DPY19L3: variants seen among roughly 807,000 people sequenced by gnomAD.
The protein encoded by DPY19L3 is dpy-19 like C-mannosyltransferase 3, also known as protein C-mannosyl-transferase DPY19L3.
A neutral mutation model predicts 92.3 loss-of-function variants in DPY19L3; 51 were observed. That is an observed-to-expected ratio of 0.55 (90% confidence interval 0.44 to 0.70). The LOEUF is 0.70. DPY19L3 is among the 30% of genes least tolerant of loss of function. DPY19L3 has a pLI of 0.00. For synonymous variants in DPY19L3, 309 were observed against 315.2 expected (o/e 0.98, Z 0.21); for missense variants, 706 against 855.9 (o/e 0.82, Z 2.18).
Position 32,411,142 on chromosome 19 carries a change from G to A in DPY19L3, c.104-97G>A, listed in dbSNP as rs996734140. 4 of 1,288,586 alleles carry A rather than the reference G, an allele frequency of 3.1e-6. No individual in the cohort carries two copies. The African/African-American group carries it at 4.5e-5, about 14-fold the overall frequency. 79.8% of individuals were successfully genotyped at this position (1,288,586 alleles called of 1,614,324 possible). ...ACAGGAAAAGCTTTCCCAGTGACAG[G>A]CAGCTAGACTTAGCTTACTTGATAA... On this transcript the variant is annotated intron_variant, in intron 2 of 18. Coordinates refer to ENST00000392250, the MANE Select transcript of DPY19L3 (RefSeq NM_001172774.2).
rs531664922 is a variant in DPY19L3 at position 32,460,581 on chromosome 19, T to A, written c.1322+2072T>A. Reference sequence around the variant, plus strand: ...GTAGACTTTATAAACACTGTGCACTTAGGCTACAGTAAATCTATTTAAAAA... The same window carrying A: ...GTAGACTTTATAAACACTGTGCACTAAGGCTACAGTAAATCTATTTAAAAA... On this transcript the variant is annotated intron_variant, in intron 12 of 18. Transcript: ENST00000392250. Among the ~76,000 whole-genome samples the A allele has an allele frequency of 2.6e-5, 4 of 152,288 alleles. No homozygotes were observed. In the South Asian group the frequency reaches 8.3e-4, roughly 32 times the overall value.
At chr19:32,437,525 A>G (rs1969182919) in intron 6 of DPY19L3, among the ~76,000 whole-genome samples, 186 bp downstream of exon 6, 1 of 152,180 alleles carries the variant, frequency 6.6e-6, no homozygotes, top group Non-Finnish European at 1.5e-5. Flanking sequence ...CTTACATGTA[A>G]TTCCAGCTGA....
At chr19:32,445,092 A>G (rs1969446169) in intron 8 of DPY19L3, among the ~76,000 whole-genome samples, 1 of 150,902 alleles carries the variant, frequency 6.6e-6, no homozygotes, top group South Asian at 2.1e-4. Context: ...AAAAAAAAAA[A>G]CAAAAAACAA....
At chr19:32,427,541 A>C (rs752277988) in intron 3 of DPY19L3, among the ~76,000 whole-genome samples, 2 of 152,136 alleles carry the variant, frequency 1.3e-5, no homozygotes, top group Non-Finnish European at 2.9e-5. Flanking sequence ...AAGCAAGGAG[A>C]CTTTAGAATA....
At chr19:32,425,584 G>A (rs1278736773) in intron 3 of DPY19L3, among the ~76,000 whole-genome samples, 1 of 151,692 alleles carries the variant, frequency 6.6e-6, no homozygotes, top group Non-Finnish European at 1.5e-5. Context: ...AGACTCAAAA[G>A]TCAAAATTAT....
rs182677269 is a variant in DPY19L3 at position 32,443,927 on chromosome 19, G to A, written c.855+4017G>A. On this transcript the variant is annotated intron_variant, in intron 8 of 18. Coordinates refer to ENST00000392250, the MANE Select transcript of DPY19L3 (RefSeq NM_001172774.2). The stretch of plus-strand genomic sequence containing the variant: ...AAAAATTAACTGGCTGTGGTGGCAT[G>A]TGCCTGTAATCACAGCTATTCAGGA... Among the ~76,000 whole-genome samples the A allele has an allele frequency of 2.2e-3, 340 of 151,860 alleles. 1 individual carries two copies. Among genetic ancestry groups the A allele is most frequent in the African/African-American group, 7.7e-3 (317 of 41,414 alleles).
intron 3 of DPY19L3, chr19:32,412,317 AAAG>A (rs1447892111): frequency 1.3e-5 from 2 of 152,068 alleles, no homozygotes; most frequent in Non-Finnish European, 2.9e-5. Context: ...AATCAAAAAG[AAAG>A]AATACTATCA....
At chr19:32,463,795 C>T in intron 13 of DPY19L3, 74 bp from the exon 14 acceptor site, 1 of 1,300,290 alleles carries the variant, frequency 7.7e-7, no homozygotes, top group Non-Finnish European at 1.1e-6. Context: ...GTAAAGCTGC[C>T]TTTATAGGTG....
Position 32,463,489 on chromosome 19 carries a change from G to C in DPY19L3, c.1445+1G>C. 6.2e-7 allele frequency: 1 copy of C among 1,611,142 alleles called. No individual in the cohort carries two copies. Among genetic ancestry groups the C allele is most frequent in the Non-Finnish European group, 8.5e-7 (1 of 1,178,560 alleles). On this transcript the variant is annotated splice_donor_variant, in intron 13 of 18. Transcript: ENST00000392250. LOFTEE classifies it high-confidence loss of function. ...GATTCTTGGCATTGAGTACAATGAG[G>C]TATTTTTGTCTTACCTGTTTGTTTA...
At chr19:32,461,740 G>T (rs1041649644) in intron 12 of DPY19L3, among the ~76,000 whole-genome samples, 8 of 152,156 alleles carry the variant, frequency 5.3e-5, no homozygotes, top group Admixed American at 4.6e-4. Flanking sequence ...GTTCTATTGG[G>T]TATGTATGAA....
At chr19:32,479,580 A>G (rs1173106613) in intron 17 of DPY19L3, 4 of 432,666 alleles carry the variant, frequency 9.2e-6, no homozygotes, top group South Asian at 3.3e-5. Context: ...GGACACATCA[A>G]GTTAGACCCT....
Position 32,453,172 on chromosome 19 carries a change from A to G in DPY19L3, c.883A>G (p.Thr295Ala). The G allele has an allele frequency of 6.2e-7, 1 of 1,614,170 alleles. No homozygotes were observed. ...GACATGGCTGTATGGAATACAGATA[A>G]CAAGTTTACTCCTGGTCTGCATTCT... The part of the protein sequence containing the change: ...KATWLYGIQI[T>A]SLLLVCILQF... The change falls in exon 9 of 19, where the codon ACA (threonine) becomes GCA (alanine). Residue 295 changes from threonine (T) to alanine (A), a missense_variant. Physicochemically the swap from Thr to Ala is moderately conservative, Grantham distance 58. Transcript: ENST00000392250.
At chr19:32,469,917 G>A (rs918705259) in intron 16 of DPY19L3, among the ~76,000 whole-genome samples, 1 of 152,202 alleles carries the variant, frequency 6.6e-6, no homozygotes, top group Non-Finnish European at 1.5e-5. Flanking sequence ...GTAAATAGAG[G>A]CTGTGCATCA....
rs73569254 is a variant in DPY19L3, at chr19:32,484,634, G to A, written c.*2394G>A. 0.039 allele frequency: 5,908 copies of A among 152,194 alleles called. 359 individuals carry two copies. The highest frequency in any genetic ancestry group is 0.14 in the African/African-American group (5,642 of 41,484). 9.4% of individuals were successfully genotyped at this position (152,194 alleles called of 1,614,324 possible). ...AGGCCCCGGAGTCTCCATCTCTCTCGTAAGCCACCTGCCACAGCACAGCTG... is the reference window on the plus strand; with the variant it reads ...AGGCCCCGGAGTCTCCATCTCTCTCATAAGCCACCTGCCACAGCACAGCTG... On this transcript the variant is annotated 3_prime_UTR_variant, in exon 19 of 19. Transcript: ENST00000392250.
intron 15 of DPY19L3, among the ~76,000 whole-genome samples, chr19:32,467,088 G>A (rs1182658619): frequency 6.6e-6 from 1 of 152,178 alleles, no homozygotes; most frequent in Non-Finnish European, 1.5e-5. Context: ...GCATGTACTA[G>A]CCTGCACTCC....
chr19:32,415,837 T>A (rs1010266843), intron 3 of DPY19L3, among the ~76,000 whole-genome samples: 6 of 151,428 alleles, frequency 4.0e-5, no homozygotes. Flanking sequence ...AGAAAGAAAA[T>A]GAAAATGAAT....
At chr19:32,456,215 A>G (rs959862153) in intron 10 of DPY19L3, among the ~76,000 whole-genome samples, 15 of 149,412 alleles carry the variant, frequency 1.0e-4, no homozygotes, top group Non-Finnish European at 2.1e-4. Context: ...AGCTAGGACT[A>G]TGTGTGTATA....
intron 1 of DPY19L3, 89 bp downstream of exon 1, chr19:32,405,998 C>T (rs944262341): frequency 4.6e-5 from 7 of 151,176 alleles, no homozygotes; most frequent in South Asian, 2.1e-4. Context: ...AGCCCCGAGC[C>T]CCTGGGGCCG....
rs1290137209 is a variant in DPY19L3, at chr19:32,437,282, T to C, written c.539T>C (p.Leu180Pro). The C allele has an allele frequency of 1.9e-6, 3 of 1,614,076 alleles. No individual in the cohort carries two copies. The highest frequency in any genetic ancestry group is 2.7e-5 in the African/African-American group (2 of 74,944). Residue 180 changes from leucine to proline, a missense_variant, in exon 6 of 19, where the codon CTA (leucine) becomes CCA (proline). Coordinates refer to ENST00000392250, the MANE Select transcript of DPY19L3 (RefSeq NM_001172774.2). ...ACAGCTCTCTACATAACCAGCTGGC[T>C]ACTCAGTGGTACATGGCTGTCAGGA... is the stretch of plus-strand genomic sequence containing the variant. ...YVTALYITSWLLSGTWLSGLL... is the reference protein window; with the variant it reads ...YVTALYITSWPLSGTWLSGLL...
Sources: gnomAD v4.1 joint callset for allele counts (sites outside exome capture counted in the v4.1 genomes callset) on GRCh38, gnomAD v4.1.1 for gene constraint, MANE v1.5 for transcripts, NCBI Gene and HGNC (gene_info 2026-07-23, HGNC 2026-07-21) for gene names.